The following C7 variants were observed in gnomAD, a reference collection of about 807,000 sequenced individuals.
The protein encoded by C7 is complement component C7.
A neutral mutation model predicts 104.8 loss-of-function variants in C7; 83 were observed. That is an observed-to-expected ratio of 0.79 (90% CI 0.66 to 0.95). The LOEUF is 0.95. Among genes scored for constraint, C7 ranks in the 40% least tolerant of loss-of-function variants. C7 has a pLI of 0.00. For missense variants in C7, 1,070 were observed against 1,011.2 expected (o/e 1.06, Z -0.79); for synonymous variants, 415 against 360.6 (o/e 1.15, Z -1.71).
Position 40,976,793 on chromosome 5 carries a change from G to C in C7, c.2118G>C (p.Glu706Asp). Residue 706 changes from glutamate to aspartate, a missense_variant, in exon 16 of 18, where the codon GAG becomes GAC. Transcript: ENST00000313164. ...TQAVPKCQRW[E>D]KLQNSRCVCK... is the part of the protein sequence containing the mutation. ...CAGTGCCTAAATGTCAGCGCTGGGA[G>C]AAACTGCAGAATTCAAGATGTGTTT... The C allele has an allele frequency of 6.2e-7, 1 of 1,607,240 alleles. No individual in the cohort carries two copies. The highest frequency in any genetic ancestry group is 8.5e-7 in the Non-Finnish European group (1 of 1,176,602).
chr5:40,949,481 C>A (rs1740120294), intron 8 of C7, among the ~76,000 whole-genome samples: 1 of 151,910 alleles, frequency 6.6e-6, no homozygotes, highest in Admixed American at 6.6e-5. Flanking sequence ...AGAGATTGAA[C>A]CAGTAGAACT....
chr5:40,937,743 A>T (rs1293631913), intron 6 of C7, 53 bp downstream of exon 6: 1 of 1,406,516 alleles, frequency 7.1e-7, no homozygotes, highest in East Asian at 2.5e-5. Context: ...AGCATTATTT[A>T]TATGATATTG....
chr5:40,970,315 G>C (rs959305160), intron 14 of C7, among the ~76,000 whole-genome samples: 1 of 152,128 alleles, frequency 6.6e-6, no homozygotes. Flanking sequence ...GTCCATTAGG[G>C]ATATTAGCAA....
Position 40,930,688 on chromosome 5 carries a change from G to A in C7, c.63-376G>A, listed in dbSNP as rs13355006. Among the ~76,000 whole-genome samples, 1,147 of 151,406 alleles carry A rather than the reference G, an allele frequency of 7.6e-3. 16 individuals are homozygous for A. The highest frequency in any genetic ancestry group is 0.026 in the African/African-American group (1,085 of 41,228). On this transcript the variant is annotated intron_variant, in intron 2 of 17. Coordinates refer to ENST00000313164, the MANE Select transcript of C7 (RefSeq NM_000587.4). ...AGTGATTCTCCTGCCTCAGCCTCCC[G>A]GGTAGCTGATATTACAGGCACGCGC...
At chr5:40,956,025 C>A (rs1346795673) in intron 10 of C7, among the ~76,000 whole-genome samples, 2 of 152,006 alleles carry the variant, frequency 1.3e-5, no homozygotes, top group African/African-American at 2.4e-5. Context: ...ATCATCAATT[C>A]TTTTATAATG....
chr5:40,951,676 A>G (rs886830671), intron 9 of C7, among the ~76,000 whole-genome samples: 8 of 152,190 alleles, frequency 5.3e-5, no homozygotes, highest in African/African-American at 1.9e-4. Context: ...GTAGGGGTGT[A>G]AGTGAGACTG....
chr5:40,975,363 G>GGTTTTTT, intron 15 of C7, among the ~76,000 whole-genome samples: 1 of 74,216 alleles, frequency 1.3e-5, no homozygotes, highest in African/African-American at 5.1e-5. Flanking sequence ...AAAGAGAAGT[G>GGTTTTTT]TGCTTTTTTT....
At position 40,947,738 on chromosome 5, in the gene C7, A is replaced by G; in HGVS notation, c.875A>G (p.Tyr292Cys). 10 of 1,613,794 alleles carry G rather than the reference A, an allele frequency of 6.2e-6. No homozygotes were observed. Among genetic ancestry groups the G allele is most frequent in the Non-Finnish European group, 8.5e-6 (10 of 1,179,764 alleles). ...HLPSLYDYSA[Y>C]RRLIDQYGTH... ...CCCTCTCTGTATGACTACAGTGCCTACCGAAGATTAATCGACCAGTACGGG... is the reference window on the plus strand; with the variant it reads ...CCCTCTCTGTATGACTACAGTGCCTGCCGAAGATTAATCGACCAGTACGGG... Residue 292 changes from tyrosine (Y) to cysteine (C), a missense_variant, in exon 8 of 18, where the codon TAC becomes TGC. Transcript: ENST00000313164.
intron 6 of C7, among the ~76,000 whole-genome samples, chr5:40,943,774 C>T (rs985578733): frequency 2.0e-5 from 3 of 151,920 alleles, no homozygotes; most frequent in African/African-American, 7.2e-5. Context: ...TTAAACAAAC[C>T]AATTTCATAA....
intron 9 of C7, among the ~76,000 whole-genome samples, chr5:40,953,516 C>T (rs1240579738): frequency 6.6e-6 from 1 of 151,950 alleles, no homozygotes; most frequent in African/African-American, 2.4e-5. Context: ...TGGCGCACGC[C>T]TGTAGTCCCA....
intron 1 of C7, among the ~76,000 whole-genome samples, chr5:40,919,044 G>T (rs1275651618): frequency 2.0e-5 from 3 of 149,778 alleles, no homozygotes; most frequent in African/African-American, 4.9e-5. Context: ...AGTGCACACA[G>T]AACTTTCTCC....
chr5:40,945,942 A>G (rs568685735), intron 7 of C7, among the ~76,000 whole-genome samples: 1 of 148,468 alleles, frequency 6.7e-6, no homozygotes, highest in East Asian at 2.0e-4. Flanking sequence ...ACTTCTCATT[A>G]AAAATATTTG....
At chr5:40,957,773 T>G (rs78673453) in intron 10 of C7, among the ~76,000 whole-genome samples, 3 of 150,686 alleles carry the variant, frequency 2.0e-5, no homozygotes, top group East Asian at 3.9e-4. Flanking sequence ...TTTTTGTTTT[T>G]TTTTTTTTTA....
intron 9 of C7, among the ~76,000 whole-genome samples, chr5:40,954,234 G>A (rs530644895): frequency 2.0e-5 from 3 of 151,944 alleles, no homozygotes; most frequent in Non-Finnish European, 4.4e-5. Flanking sequence ...ATTTTATTAT[G>A]AAAATTTTAA....
intron 10 of C7, among the ~76,000 whole-genome samples, chr5:40,957,075 G>A (rs1411907400): frequency 6.6e-6 from 1 of 152,250 alleles, no homozygotes; most frequent in Non-Finnish European, 1.5e-5. Flanking sequence ...AAGCCATCGT[G>A]TTCGCAACAG....
chr5:40,924,740 G>A, intron 1 of C7, among the ~76,000 whole-genome samples: 1 of 152,222 alleles, frequency 6.6e-6, no homozygotes, highest in East Asian at 1.9e-4. Context: ...AGCTGCCAAG[G>A]CTTACAGTTT....
At chr5:40,953,832 T>A (rs1044407743) in intron 9 of C7, among the ~76,000 whole-genome samples, 1 of 152,048 alleles carries the variant, frequency 6.6e-6, no homozygotes, top group African/African-American at 2.4e-5. Flanking sequence ...TATGCATGTA[T>A]CAAAATATCA....
At chr5:40,920,921 C>T (rs757248301) in intron 1 of C7, among the ~76,000 whole-genome samples, 40 of 152,050 alleles carry the variant, frequency 2.6e-4, no homozygotes, top group South Asian at 8.3e-4. Flanking sequence ...TGGTGGTGCA[C>T]GCCTATAATC....
chr5:40,960,226 C>T (rs1270524807), intron 12 of C7, among the ~76,000 whole-genome samples: 3 of 152,256 alleles, frequency 2.0e-5, no homozygotes, highest in Admixed American at 6.5e-5. Context: ...AGCCCTGGGT[C>T]AGAATTCTTT....
Sources: allele counts gnomAD v4.1 joint callset (sites outside exome capture counted in the v4.1 genomes callset), GRCh38; gene constraint gnomAD v4.1.1; transcripts MANE v1.5; gene names NCBI Gene and HGNC (gene_info 2026-07-23, HGNC 2026-07-21).